PHF21B: variants seen among roughly 807,000 people sequenced by gnomAD.
PHF21B encodes the protein PHD finger protein 21B, also known as PHD finger protein 4.
PHF21B carries 22 observed loss-of-function variants against 62.2 expected under a neutral mutation model. The ratio of observed to expected loss-of-function variants is 0.35; its 90% CI spans 0.25 to 0.51. PHF21B has a LOEUF of 0.51. Ranked by LOEUF, PHF21B falls within the 20% of genes least tolerant of loss-of-function variation. The probability of loss-of-function intolerance (pLI) is 0.97; values close to 1 mark genes in which losing one functional copy is unlikely to be tolerated. For synonymous variants in PHF21B, 341 were observed against 314.7 expected (o/e 1.08, Z -0.88); for missense variants, 701 against 707.9 (o/e 0.99, Z 0.11).
intron 2 of PHF21B, among the ~76,000 whole-genome samples, chr22:44,923,686 T>C (rs942545268): frequency 6.6e-6 from 1 of 151,976 alleles, no homozygotes; most frequent in Non-Finnish European, 1.5e-5. Context: ...AACAACTCAT[T>C]AAAATGAACA....
Position 44,893,424 on chromosome 22 carries a change from C to T in PHF21B, c.960+33G>A, listed in dbSNP as rs2071001582. 8 of 1,569,302 alleles carry T rather than the reference C, an allele frequency of 5.1e-6. No homozygotes were observed. In the East Asian group the frequency reaches 1.9e-4, roughly 36 times the overall value. ...AGGCTGTGCACTGGGAGCCCCCACC[C>T]TCCTGGTGGCATGGGGCTGGCGGGT... On this transcript the variant is annotated intron_variant, in intron 7 of 12. Coordinates refer to ENST00000313237, the MANE Select transcript of PHF21B (RefSeq NM_138415.5).
chr22:44,929,311 A>G (rs1220462366), intron 2 of PHF21B, among the ~76,000 whole-genome samples: 1 of 152,226 alleles, frequency 6.6e-6, no homozygotes, highest in Non-Finnish European at 1.5e-5. Flanking sequence ...CTGCTGCATG[A>G]GAATGTGCTT....
At chr22:45,007,560 G>C (rs1483474875) in intron 2 of PHF21B, among the ~76,000 whole-genome samples, 1 of 66,728 alleles carries the variant, frequency 1.5e-5, no homozygotes, top group Admixed American at 1.3e-4. Context: ...GGGGCGGGGC[G>C]CGAAGGAGGG....
At chr22:44,967,923 C>T (rs2072560651) in intron 2 of PHF21B, among the ~76,000 whole-genome samples, 1 of 152,174 alleles carries the variant, frequency 6.6e-6, no homozygotes, top group African/African-American at 2.4e-5. Flanking sequence ...GTGTCTGTTT[C>T]TCTCTTGATG....
rs141214141 is a variant in PHF21B at position 44,962,285 on chromosome 22, G to A, written c.121-41795C>T. Among the ~76,000 whole-genome samples the A allele has an allele frequency of 1.1e-3, 174 of 152,208 alleles. 2 individuals are homozygous for A. The East Asian group carries it at 0.012, about 10-fold the overall frequency. ...GCCTCACATAACTTTTTAATGATCT[G>A]TAGATGTGCCTCAACTTACGATGAA... On this transcript the variant is annotated intron_variant, in intron 2 of 12. Transcript: ENST00000313237.
chr22:44,885,215 C>T (rs538915917), intron 12 of PHF21B, among the ~76,000 whole-genome samples: 6 of 152,238 alleles, frequency 3.9e-5, no homozygotes, highest in South Asian at 2.1e-4. Flanking sequence ...CCCCAGGCCC[C>T]GGTGCACACC....
At chr22:44,902,328 A>G (rs2147275417) in intron 5 of PHF21B, 1 of 335,628 alleles carries the variant, frequency 3.0e-6, no homozygotes, top group South Asian at 3.2e-5. Flanking sequence ...GTGGACTCAC[A>G]AATTTTACTG....
At chr22:44,904,938 G>A (rs1243101890) in intron 5 of PHF21B, among the ~76,000 whole-genome samples, 1 of 152,202 alleles carries the variant, frequency 6.6e-6, no homozygotes, top group African/African-American at 2.4e-5. Context: ...GGCTGCTGGA[G>A]GCCCCCGGCA....
chr22:44,984,332 A>C (rs2072910022), intron 2 of PHF21B, among the ~76,000 whole-genome samples: 1 of 149,922 alleles, frequency 6.7e-6, no homozygotes, highest in Admixed American at 6.6e-5. Context: ...AGAGCTGAAG[A>C]AGCATGACCT....
intron 2 of PHF21B, among the ~76,000 whole-genome samples, chr22:44,936,587 AC>A (rs2071852347): frequency 6.6e-6 from 1 of 152,180 alleles, no homozygotes; most frequent in African/African-American, 2.4e-5. Flanking sequence ...TTCAAGTGGG[AC>A]CTTGAAGACT....
chr22:44,994,278 T>C (rs1277027295), intron 2 of PHF21B, among the ~76,000 whole-genome samples: 1 of 152,226 alleles, frequency 6.6e-6, no homozygotes, highest in Non-Finnish European at 1.5e-5. Flanking sequence ...GCTGAGGTCA[T>C]TGTGCCTTAG....
intron 2 of PHF21B, among the ~76,000 whole-genome samples, chr22:44,997,894 C>G (rs927632161): frequency 3.3e-4 from 50 of 152,348 alleles, no homozygotes; most frequent in Middle Eastern, 6.8e-3. Context: ...GAGGCCCGCC[C>G]TTCCAAATTG....
intron 2 of PHF21B, among the ~76,000 whole-genome samples, chr22:44,990,528 G>A (rs1467584333): frequency 2.6e-5 from 4 of 152,216 alleles, no homozygotes; most frequent in African/African-American, 7.2e-5. Context: ...CGTGAATTAC[G>A]CTGAGTAAGA....
chr22:44,902,387 GC>G, intron 5 of PHF21B: 1 of 310,142 alleles, frequency 3.2e-6, no homozygotes, highest in Non-Finnish European at 6.4e-6. Flanking sequence ...ATCTGTGTTT[GC>G]CCTGATGAGT....
At chr22:44,976,650 T>C (rs1470639488) in intron 2 of PHF21B, among the ~76,000 whole-genome samples, 1 of 152,220 alleles carries the variant, frequency 6.6e-6, no homozygotes, top group Non-Finnish European at 1.5e-5. Context: ...TCCTTGTATG[T>C]CCAAGGACAG....
intron 5 of PHF21B, among the ~76,000 whole-genome samples, chr22:44,903,894 G>C (rs1307648410): frequency 2.0e-5 from 3 of 151,998 alleles, no homozygotes; most frequent in Non-Finnish European, 4.4e-5. Context: ...TTTTAAGCCT[G>C]TTTTCATTTC....
intron 2 of PHF21B, among the ~76,000 whole-genome samples, chr22:44,994,056 A>G (rs2073081770): frequency 1.3e-5 from 2 of 152,144 alleles, no homozygotes; most frequent in African/African-American, 4.8e-5. Context: ...GCTGTGAGAG[A>G]AGGACAGGGA....
intron 2 of PHF21B, among the ~76,000 whole-genome samples, chr22:44,952,277 A>T (rs1208701393): frequency 6.6e-6 from 1 of 152,202 alleles, no homozygotes; most frequent in East Asian, 1.9e-4. Context: ...CGAGAGTCGG[A>T]GGTTGCAGTG....
At chr22:44,915,696 T>A (rs1329794675) in intron 4 of PHF21B, among the ~76,000 whole-genome samples, 2 of 152,090 alleles carry the variant, frequency 1.3e-5, no homozygotes, top group Middle Eastern at 3.4e-3. Flanking sequence ...AGACCCCAAA[T>A]GGGGAACAGA....
Sources: gnomAD v4.1 joint callset for allele counts (sites outside exome capture counted in the v4.1 genomes callset) on GRCh38, gnomAD v4.1.1 for gene constraint, MANE v1.5 for transcripts, NCBI Gene and HGNC (gene_info 2026-07-23, HGNC 2026-07-21) for gene names.